Variants in ROR2 observed in about 807,000 individuals in gnomAD.
ROR2 encodes the protein ROR family WNT receptor 2.
A neutral mutation model predicts 74.9 loss-of-function variants in ROR2; 33 were observed. That is an observed-to-expected ratio of 0.44 (90% CI 0.33 to 0.59). ROR2 has a LOEUF of 0.59. Among genes scored for constraint, ROR2 ranks in the 20% least tolerant of loss-of-function variants. The pLI, the probability that ROR2 is intolerant of heterozygous loss-of-function variation, is 0.02. For missense variants in ROR2, 1,216 were observed against 1,313.8 expected (o/e 0.93, Z 1.15); for synonymous variants, 586 against 558.7 (o/e 1.05, Z -0.69).
intron 1 of ROR2, among the ~76,000 whole-genome samples, chr9:91,935,023 T>C (rs987127581): frequency 1.3e-5 from 2 of 152,170 alleles, no homozygotes; most frequent in African/African-American, 4.8e-5. Flanking sequence ...GACAGCACTG[T>C]TAATACAATC....
chr9:91,790,452 G>C (rs1429847055), intron 1 of ROR2, among the ~76,000 whole-genome samples: 1 of 151,510 alleles, frequency 6.6e-6, no homozygotes, highest in Admixed American at 6.6e-5. Context: ...GGAGACTGCA[G>C]TGAGCCAAGA....
chr9:91,827,722 C>G (rs532718663), intron 1 of ROR2, among the ~76,000 whole-genome samples: 2 of 152,212 alleles, frequency 1.3e-5, no homozygotes, highest in African/African-American at 4.8e-5. Flanking sequence ...TCAGCAGTGT[C>G]TAAGAATATA....
chr9:91,948,638 C>G (rs942289766), intron 1 of ROR2: 7 of 985,414 alleles, frequency 7.1e-6, no homozygotes, highest in Non-Finnish European at 4.8e-6. Context: ...GGCCAGGATA[C>G]CTGGAGCGCG....
chr9:91,910,425 C>A (rs368150052), intron 1 of ROR2, among the ~76,000 whole-genome samples: 1 of 152,108 alleles, frequency 6.6e-6, no homozygotes, highest in Non-Finnish European at 1.5e-5. Flanking sequence ...TAAATAATGA[C>A]TTTGAGATAT....
At chr9:91,846,802 G>A (rs1001522174) in intron 1 of ROR2, among the ~76,000 whole-genome samples, 4 of 152,160 alleles carry the variant, frequency 2.6e-5, no homozygotes, top group Non-Finnish European at 5.9e-5. Flanking sequence ...CCCTTGGAAA[G>A]CCACTGGGCT....
At chr9:91,731,885 A>C (rs1837255201) in intron 6 of ROR2, among the ~76,000 whole-genome samples, 1 of 152,224 alleles carries the variant, frequency 6.6e-6, no homozygotes, top group African/African-American at 2.4e-5. Context: ...ACTGCACTCC[A>C]GCCTCAGTGA....
intron 2 of ROR2, among the ~76,000 whole-genome samples, chr9:91,769,992 C>A (rs1431286210): frequency 2.6e-5 from 4 of 152,206 alleles, no homozygotes; most frequent in Admixed American, 2.6e-4. Context: ...CGTGCCCATC[C>A]GAGTACCGCC....
intron 4 of ROR2, chr9:91,755,833 A>G (rs1194256547): frequency 1.7e-6 from 1 of 604,898 alleles, no homozygotes; most frequent in Non-Finnish European, 2.9e-6. Context: ...GTGTAAGGTC[A>G]CAATCACAGA....
intron 1 of ROR2, among the ~76,000 whole-genome samples, chr9:91,837,088 G>A (rs961608853): frequency 3.9e-5 from 6 of 151,976 alleles, no homozygotes; most frequent in Admixed American, 1.3e-4. Flanking sequence ...CACTCGAGAT[G>A]TGTACATGGT....
rs1196330699 is a variant in ROR2, at chr9:91,724,316, G to A, written c.2178C>T (p.Ile726=). 6 of 1,613,068 alleles carry A rather than the reference G, an allele frequency of 3.7e-6. No homozygotes were observed. In the African/African-American group the frequency reaches 5.3e-5, roughly 14 times the overall value. ...GGCTGGGGAACTCGTTCCAGCACTC[G>A]ATCATGAGGGCATACACCCAGGCGG... ...DCPAWVYALM[I]ECWNEFPSRR... Residue 726 remains isoleucine, a synonymous_variant, in exon 9 of 9, where the codon ATC becomes ATT. Coordinates refer to ENST00000375708, the MANE Select transcript of ROR2 (RefSeq NM_004560.4).
intron 1 of ROR2, among the ~76,000 whole-genome samples, chr9:91,872,841 G>C (rs556436040): frequency 1.6e-3 from 250 of 152,246 alleles, no homozygotes; most frequent in Non-Finnish European, 2.9e-3. Context: ...TTACACACTG[G>C]GGAAAAGTAA....
At chr9:91,765,446 G>A (rs544372478) in intron 2 of ROR2, among the ~76,000 whole-genome samples, 3 of 152,272 alleles carry the variant, frequency 2.0e-5, no homozygotes, top group Admixed American at 1.3e-4. Context: ...TTTATTGTAA[G>A]GCTGGTTTTT....
chr9:91,725,154 C>T, intron 8 of ROR2, 47 bp from the exon 9 acceptor site: 1 of 1,608,688 alleles, frequency 6.2e-7, no homozygotes, highest in Non-Finnish European at 8.5e-7. Flanking sequence ...TCACCGCAGC[C>T]CTGGAGGAAG....
intron 3 of ROR2, 131 bp downstream of exon 3, chr9:91,757,141 G>C: frequency 8.4e-7 from 1 of 1,187,634 alleles, no homozygotes; most frequent in South Asian, 1.3e-5. Context: ...GAAGGCCCTA[G>C]GGAACGGTTT....
intron 3 of ROR2, among the ~76,000 whole-genome samples, chr9:91,756,538 G>C (rs915952635): frequency 6.6e-6 from 1 of 151,760 alleles, no homozygotes; most frequent in Non-Finnish European, 1.5e-5. Flanking sequence ...TCTGGTCATC[G>C]CACTCAGCTC....
intron 1 of ROR2, among the ~76,000 whole-genome samples, chr9:91,888,913 C>CT (rs374655199): frequency 4.0e-3 from 589 of 148,948 alleles, no homozygotes; most frequent in African/African-American, 0.013. Flanking sequence ...GAGGTTCTTC[C>CT]TTTTTTTTTT....
intron 1 of ROR2, among the ~76,000 whole-genome samples, chr9:91,821,989 T>C (rs1318565953): frequency 1.5e-5 from 2 of 135,902 alleles, no homozygotes; most frequent in African/African-American, 2.8e-5. Flanking sequence ...AGCTAAAATA[T>C]ATATATACAA....
chr9:91,841,713 A>C (rs1014055847), intron 1 of ROR2, among the ~76,000 whole-genome samples: 3 of 152,122 alleles, frequency 2.0e-5, no homozygotes, highest in Admixed American at 6.5e-5. Context: ...TCCTGGGAGC[A>C]AGCTTTGGCA....
chr9:91,944,649 TTTAAC>T (rs1564055501), intron 1 of ROR2, among the ~76,000 whole-genome samples: 1 of 152,128 alleles, frequency 6.6e-6, no homozygotes, highest in Non-Finnish European at 1.5e-5. Flanking sequence ...CAGGAATAGA[TTTAAC>T]TTAAGAGGCA....
Sources: allele counts gnomAD v4.1 joint callset (sites outside exome capture counted in the v4.1 genomes callset), GRCh38; gene constraint gnomAD v4.1.1; transcripts MANE v1.5; gene names NCBI Gene and HGNC (gene_info 2026-07-23, HGNC 2026-07-21).